The following EFNA5 variants were observed in gnomAD, a reference collection of about 807,000 sequenced individuals.
The protein encoded by EFNA5 is ephrin A5.
A neutral mutation model predicts 22.9 loss-of-function variants in EFNA5; 5 were observed. The ratio of observed to expected loss-of-function variants is 0.22; its 90% confidence interval spans 0.11 to 0.46. The LOEUF (loss-of-function observed/expected upper bound fraction) is 0.46. EFNA5 is among the 20% of genes least tolerant of loss of function. The pLI, the probability that EFNA5 is intolerant of heterozygous loss-of-function variation, is 0.99. For synonymous variants in EFNA5, 113 were observed against 112.2 expected, an observed-to-expected ratio of 1.01 and a Z score of -0.04; for missense variants, 237 against 293.3, an observed-to-expected ratio of 0.81 and a Z score of 1.40.
intron 1 of EFNA5, among the ~76,000 whole-genome samples, chr5:107,556,753 A>AAAATAAATAAAT (rs35945658): frequency 3.3e-4 from 40 of 122,632 alleles, no homozygotes; most frequent in Middle Eastern, 3.8e-3. Flanking sequence ...TCTCAAAATA[A>AAAATAAATAAAT]AAATAAATAA....
chr5:107,660,541 A>G (rs1209755773), intron 1 of EFNA5, among the ~76,000 whole-genome samples: 1 of 151,744 alleles, frequency 6.6e-6, no homozygotes, highest in Non-Finnish European at 1.5e-5. Flanking sequence ...AATACTCTTT[A>G]GAATAGCTTT....
Position 107,670,711 on chromosome 5 carries a change from GC to G in EFNA5, c.-99del. 6.7e-7 allele frequency: 1 copy of G among 1,489,030 alleles called. No individual in the cohort carries two copies. The highest frequency in any genetic ancestry group is 9.0e-7 in the Non-Finnish European group (1 of 1,116,084). 92.2% of individuals were successfully genotyped at this position (1,489,030 alleles called of 1,614,324 possible). A position where few individuals can be genotyped will look rare whatever the true frequency, so the allele number is the denominator to read the frequency against. ...AGGCAAAGGGACAGAGAGAGAGCGG[GC>G]GCCAAATAAATATGAATAAATAAAA... On this transcript the variant is annotated 5_prime_UTR_variant, in exon 1 of 5. Transcript: ENST00000333274.
intron 2 of EFNA5, among the ~76,000 whole-genome samples, chr5:107,400,896 C>T (rs900570145): frequency 3.3e-5 from 5 of 152,212 alleles, no homozygotes; most frequent in Admixed American, 6.5e-5. Context: ...ATTACTGCTG[C>T]AAGCTTATTG....
At chr5:107,639,061 TCAGCC>T (rs1267266299) in intron 1 of EFNA5, among the ~76,000 whole-genome samples, 6 of 152,194 alleles carry the variant, frequency 3.9e-5, no homozygotes, top group African/African-American at 1.4e-4. Flanking sequence ...TAGTAAAAAT[TCAGCC>T]TTCAGTTATA....
chr5:107,612,710 C>T (rs1749840778), intron 1 of EFNA5, among the ~76,000 whole-genome samples: 1 of 152,058 alleles, frequency 6.6e-6, no homozygotes, highest in Non-Finnish European at 1.5e-5. Flanking sequence ...GAGCAGCTCT[C>T]CAATATAAAG....
chr5:107,473,006 C>T (rs900160662), intron 1 of EFNA5, among the ~76,000 whole-genome samples: 2 of 152,180 alleles, frequency 1.3e-5, no homozygotes, highest in Non-Finnish European at 2.9e-5. Flanking sequence ...CCCCCCAGCA[C>T]CTGCTTGAAC....
At chr5:107,517,410 A>G (rs1747504397) in intron 1 of EFNA5, among the ~76,000 whole-genome samples, 1 of 152,208 alleles carries the variant, frequency 6.6e-6, no homozygotes, top group Non-Finnish European at 1.5e-5. Context: ...CTGCTCTGTG[A>G]CTTCAGGACA....
chr5:107,582,999 C>T (rs1205087417), intron 1 of EFNA5, among the ~76,000 whole-genome samples: 4 of 152,110 alleles, frequency 2.6e-5, no homozygotes, highest in Non-Finnish European at 4.4e-5. Context: ...CTTTAATTCC[C>T]TCCTATAGGG....
chr5:107,499,635 A>C (rs1236521911), intron 1 of EFNA5, among the ~76,000 whole-genome samples: 2 of 152,208 alleles, frequency 1.3e-5, no homozygotes, highest in Non-Finnish European at 2.9e-5. Flanking sequence ...CTATATGTGC[A>C]CAGAGATACA....
intron 1 of EFNA5, among the ~76,000 whole-genome samples, chr5:107,668,474 G>T (rs942564459): frequency 2.1e-4 from 32 of 152,276 alleles, no homozygotes; most frequent in African/African-American, 6.3e-4. Flanking sequence ...AGACTAGCTT[G>T]ACAGGTTAAG....
At chr5:107,545,838 T>C (rs1241263745) in intron 1 of EFNA5, among the ~76,000 whole-genome samples, 1 of 152,184 alleles carries the variant, frequency 6.6e-6, no homozygotes, top group East Asian at 1.9e-4. Flanking sequence ...TTCGTTTTTT[T>C]CCTAATCGAA....
chr5:107,570,550 T>A (rs563253722), intron 1 of EFNA5, among the ~76,000 whole-genome samples: 2 of 152,018 alleles, frequency 1.3e-5, no homozygotes, highest in East Asian at 3.9e-4. Context: ...AGCAACTTCC[T>A]GGTCGGTGTC....
chr5:107,591,618 C>T (rs1298904477), intron 1 of EFNA5, among the ~76,000 whole-genome samples: 2 of 150,538 alleles, frequency 1.3e-5, no homozygotes, highest in African/African-American at 4.9e-5. Context: ...GTCAGGAGTT[C>T]GAGACCAGCC....
rs552984629 is a variant in EFNA5 at position 107,533,390 on chromosome 5, C to T, written c.126-105881G>A. Among the ~76,000 whole-genome samples the T allele has an allele frequency of 5.9e-5, 9 of 152,262 alleles. No homozygotes were observed. In the South Asian group the frequency reaches 1.2e-3, roughly 21 times the overall value. On this transcript the variant is annotated intron_variant, in intron 1 of 4. Coordinates refer to ENST00000333274, the MANE Select transcript of EFNA5 (RefSeq NM_001962.3). ...TCTGAATTGGGCTTCTTTCTATCTC[C>T]CCCATACAGGCCACAAGAAGCTAAA...
Position 107,381,316 on chromosome 5 carries a change from C to T in EFNA5, c.626G>A (p.Arg209Lys). The change falls in exon 5 of 5, where the codon AGG becomes AAG. Residue 209 changes from arginine (R) to lysine (K), a missense_variant. Physicochemically the swap from Arg to Lys is conservative, Grantham distance 26. Transcript: ENST00000333274. ...GATTGCCAAAAGGCGGCTGGGTATC[C>T]TTGGTGTTTGTGCCGCGTTCTCGCC... Reference protein sequence around the residue: ...SRGENAAQTPRIPSRLLAILL... With the variant: ...SRGENAAQTPKIPSRLLAILL... 3 of 1,614,028 alleles carry T rather than the reference C, an allele frequency of 1.9e-6. No individual in the cohort carries two copies. The highest frequency in any genetic ancestry group is 1.7e-6 in the Non-Finnish European group (2 of 1,179,950).
At chr5:107,667,576 A>G (rs911706120) in intron 1 of EFNA5, among the ~76,000 whole-genome samples, 2 of 152,158 alleles carry the variant, frequency 1.3e-5, no homozygotes, top group Non-Finnish European at 2.9e-5. Context: ...CATAATTTCA[A>G]ATTGAATCTG....
chr5:107,392,142 G>A (rs1446928296), intron 2 of EFNA5, among the ~76,000 whole-genome samples: 3 of 152,224 alleles, frequency 2.0e-5, no homozygotes, highest in Middle Eastern at 3.4e-3. Flanking sequence ...ACATCCCTTC[G>A]GGTACTGCCA....
chr5:107,534,664 A>G (rs906315527), intron 1 of EFNA5, among the ~76,000 whole-genome samples: 42 of 152,206 alleles, frequency 2.8e-4, no homozygotes, highest in African/African-American at 9.4e-4. Flanking sequence ...AACACCAGGC[A>G]GAAGTGCCAA....
intron 2 of EFNA5, among the ~76,000 whole-genome samples, chr5:107,395,526 A>G (rs192668860): frequency 6.6e-6 from 1 of 152,336 alleles, no homozygotes; most frequent in Admixed American, 6.5e-5. Context: ...AATATAGTTC[A>G]GTTTCTTATA....
Sources: gnomAD v4.1 joint callset for allele counts (sites outside exome capture counted in the v4.1 genomes callset) on GRCh38, gnomAD v4.1.1 for gene constraint, MANE v1.5 for transcripts, NCBI Gene and HGNC (gene_info 2026-07-23, HGNC 2026-07-21) for gene names.